The following ADTRP variants were observed in gnomAD, a reference collection of about 807,000 sequenced individuals.
ADTRP encodes the protein androgen-dependent TFPI-regulating protein.
Under a neutral mutation model 27.0 loss-of-function variants are expected in ADTRP, and 20 were observed. The observed-to-expected ratio is 0.74, with a 90% CI of 0.52 to 1.08. ADTRP has a LOEUF of 1.08. ADTRP is among the 50% of genes least tolerant of loss of function. The probability of loss-of-function intolerance (pLI) is 0.00; values close to 1 mark genes in which losing one functional copy is unlikely to be tolerated. For missense variants in ADTRP, 251 were observed against 275.0 expected (o/e 0.91, Z 0.62); for synonymous variants, 101 against 105.2 (o/e 0.96, Z 0.25).
At chr6:11,770,316 G>C (rs1405829557) in intron 1 of ADTRP, among the ~76,000 whole-genome samples, 1 of 152,174 alleles carries the variant, frequency 6.6e-6, no homozygotes, top group Non-Finnish European at 1.5e-5. Context: ...ATCACGGGCA[G>C]CTGAGGCTGA....
intron 3 of ADTRP, among the ~76,000 whole-genome samples, chr6:11,754,131 G>C (rs1250811128): frequency 6.6e-6 from 1 of 152,204 alleles, no homozygotes; most frequent in African/African-American, 2.4e-5. Context: ...AATTTGAGCA[G>C]ACCTTTTACT....
chr6:11,730,517 T>C (rs1432293194), intron 4 of ADTRP, among the ~76,000 whole-genome samples: 1 of 152,184 alleles, frequency 6.6e-6, no homozygotes, highest in African/African-American at 2.4e-5. Context: ...AATGGCAAGG[T>C]GGCTGGTCCT....
intron 4 of ADTRP, among the ~76,000 whole-genome samples, chr6:11,724,028 C>G (rs1193408225): frequency 6.6e-6 from 1 of 152,186 alleles, no homozygotes; most frequent in East Asian, 1.9e-4. Flanking sequence ...CCACTGCACT[C>G]TAGCCTGGGC....
chr6:11,762,501 G>T (rs1763424924), intron 3 of ADTRP, among the ~76,000 whole-genome samples: 1 of 152,138 alleles, frequency 6.6e-6, no homozygotes, highest in Non-Finnish European at 1.5e-5. Context: ...TAACTAGGTG[G>T]CTGTATCTGG....
intron 4 of ADTRP, among the ~76,000 whole-genome samples, chr6:11,733,986 A>T (rs1365220487): frequency 2.0e-5 from 3 of 152,244 alleles, no homozygotes; most frequent in Non-Finnish European, 4.4e-5. Context: ...GTCCTTAGGT[A>T]GAAGACATTA....
intron 4 of ADTRP, among the ~76,000 whole-genome samples, chr6:11,727,671 G>C (rs1183399518): frequency 2.0e-5 from 3 of 152,186 alleles, no homozygotes; most frequent in African/African-American, 7.2e-5. Flanking sequence ...GTAAAAGAAA[G>C]TTCCCGAGGT....
chr6:11,744,473 G>C (rs556849220), intron 3 of ADTRP, among the ~76,000 whole-genome samples: 1 of 152,274 alleles, frequency 6.6e-6, no homozygotes, highest in South Asian at 2.1e-4. Flanking sequence ...CAATGAAAAG[G>C]CACCACTGAG....
intron 1 of ADTRP, among the ~76,000 whole-genome samples, chr6:11,772,976 C>T (rs1373368211): frequency 2.0e-5 from 3 of 152,298 alleles, no homozygotes; most frequent in East Asian, 1.9e-4. Context: ...TGGCCAATGT[C>T]GCATAGCTGA....
chr6:11,745,832 C>T (rs1351924864), intron 3 of ADTRP, among the ~76,000 whole-genome samples: 3 of 151,858 alleles, frequency 2.0e-5, no homozygotes, highest in Non-Finnish European at 4.4e-5. Flanking sequence ...GCTCTGTCAC[C>T]CAGGCTGGAG....
At chr6:11,763,410 G>A (rs1352663090) in intron 3 of ADTRP, among the ~76,000 whole-genome samples, 3 of 152,232 alleles carry the variant, frequency 2.0e-5, no homozygotes, top group Non-Finnish European at 2.9e-5. Context: ...AACACAGGGA[G>A]TGTTGAGAAA....
chr6:11,750,609 C>T (rs1763014891), intron 3 of ADTRP, among the ~76,000 whole-genome samples: 1 of 152,210 alleles, frequency 6.6e-6, no homozygotes, highest in African/African-American at 2.4e-5. Flanking sequence ...CGGGCCTCTC[C>T]TCCAGGAGAG....
At position 11,714,434 on chromosome 6, in the gene ADTRP, T is replaced by C; in HGVS notation, c.*44A>G. Reference sequence around the variant, plus strand: ...AAAAAAAAAAAAGATGAGAAAAATCTCTTGTGTTTTCTTCTTTCTTGGTTC... The same window carrying C: ...AAAAAAAAAAAAGATGAGAAAAATCCCTTGTGTTTTCTTCTTTCTTGGTTC... On this transcript the variant is annotated 3_prime_UTR_variant, in exon 6 of 6. Transcript: ENST00000414691. 1 of 1,581,278 alleles carries C rather than the reference T, an allele frequency of 6.3e-7. No homozygotes were observed. The highest frequency in any genetic ancestry group is 8.6e-7 in the Non-Finnish European group (1 of 1,165,114).
intron 1 of ADTRP, among the ~76,000 whole-genome samples, chr6:11,772,416 G>A (rs113531755): frequency 1.3e-5 from 2 of 152,310 alleles, no homozygotes; most frequent in African/African-American, 4.8e-5. Context: ...TCAAATCGTG[G>A]AAGCTTAGCC....
chr6:11,730,585 G>T (rs1036141772), intron 4 of ADTRP, among the ~76,000 whole-genome samples: 1 of 152,200 alleles, frequency 6.6e-6, no homozygotes, highest in African/African-American at 2.4e-5. Context: ...GGTAAGATGT[G>T]TACATGTATT....
chr6:11,736,881 TA>T (rs993791755), intron 3 of ADTRP, among the ~76,000 whole-genome samples: 1 of 152,118 alleles, frequency 6.6e-6, no homozygotes, highest in African/African-American at 2.4e-5. Flanking sequence ...CTGAGGGTGG[TA>T]AGTGTGTGGG....
chr6:11,763,102 G>A (rs1763444649), intron 3 of ADTRP, among the ~76,000 whole-genome samples: 2 of 152,186 alleles, frequency 1.3e-5, no homozygotes, highest in Admixed American at 1.3e-4. Flanking sequence ...GTCCACGGTG[G>A]ATGCAAATAT....
chr6:11,775,730 C>T (rs901686130), intron 1 of ADTRP, among the ~76,000 whole-genome samples: 1 of 152,190 alleles, frequency 6.6e-6, no homozygotes, highest in African/African-American at 2.4e-5. Flanking sequence ...CTGTCTGTCT[C>T]CCCTTCCAGT....
At position 11,778,713 on chromosome 6, in the gene ADTRP, C is replaced by G; in HGVS notation, c.47G>C (p.Trp16Ser). 6.2e-7 allele frequency: 1 copy of G among 1,614,126 alleles called. No individual in the cohort carries two copies. Among genetic ancestry groups the G allele is most frequent in the South Asian group, 1.1e-5 (1 of 91,078 alleles). The change falls in exon 1 of 6, where the codon TGG becomes TCG. Residue 16 changes from tryptophan to serine, a missense_variant. Transcript: ENST00000414691. ...GATGTAATAATTGAGGAAAGTATAC[C>G]AGCTCAGAACAAGGAAGTGGTATAT... ...TCIYHFLVLS[W>S]YTFLNYYISQ... is the part of the protein sequence containing the mutation.
At chr6:11,723,561 A>T in intron 4 of ADTRP, 61 bp from the exon 5 acceptor site, 3 of 1,586,470 alleles carry the variant, frequency 1.9e-6, no homozygotes, top group Non-Finnish European at 2.6e-6. Flanking sequence ...CCATTTTCTC[A>T]TCAGGATTAA....
Sources: gnomAD v4.1 joint callset for allele counts (sites outside exome capture counted in the v4.1 genomes callset) on GRCh38, gnomAD v4.1.1 for gene constraint, MANE v1.5 for transcripts, NCBI Gene and HGNC (gene_info 2026-07-23, HGNC 2026-07-21) for gene names.